Variants in FAM20A observed in about 807,000 individuals in gnomAD.
The protein encoded by FAM20A is FAM20A golgi associated secretory pathway pseudokinase.
In FAM20A, 42 loss-of-function variants were observed where a neutral mutation model predicts 52.0. That is an observed-to-expected ratio of 0.81 (90% CI 0.63 to 1.04). The LOEUF (loss-of-function observed/expected upper bound fraction) is 1.04. Ranked by LOEUF, FAM20A falls within the 50% of genes least tolerant of loss-of-function variation. The pLI is 0.00. For missense variants in FAM20A, 742 were observed against 712.7 expected, an observed-to-expected ratio of 1.04 and a Z score of -0.47; for synonymous variants, 304 against 298.9, an observed-to-expected ratio of 1.02 and a Z score of -0.18.
At chr17:68,586,005 C>T (rs2088156657) in intron 1 of FAM20A, among the ~76,000 whole-genome samples, 1 of 152,126 alleles carries the variant, frequency 6.6e-6, no homozygotes, top group South Asian at 2.1e-4. Flanking sequence ...AGTGCCCTTC[C>T]TGGGTCACTG....
chr17:68,561,495 A>G (rs2087210557), intron 1 of FAM20A, among the ~76,000 whole-genome samples: 1 of 151,530 alleles, frequency 6.6e-6, no homozygotes, highest in African/African-American at 2.4e-5. Context: ...ATTCTGTTTC[A>G]TGCTCTGTCT....
In FAM20A at chr17:68,537,437, G is replaced by A; in HGVS notation, c.*40C>T. On this transcript the variant is annotated 3_prime_UTR_variant, in exon 11 of 11. Coordinates refer to ENST00000592554, the MANE Select transcript of FAM20A (RefSeq NM_017565.4). The surrounding 1 kb of genome is among the most constrained non-coding windows in gnomAD (Gnocchi z 4.2). ...GGTCGGCACTCGAGTCGACTGCTCTGGCTCCAGGCGTATTTTCTGAAACTG... is the reference window on the plus strand; with the variant it reads ...GGTCGGCACTCGAGTCGACTGCTCTAGCTCCAGGCGTATTTTCTGAAACTG... The A allele has an allele frequency of 6.2e-7, 1 of 1,613,422 alleles. No individual in the cohort carries two copies.
At chr17:68,589,846 A>C (rs1179491472) in intron 1 of FAM20A, among the ~76,000 whole-genome samples, 2 of 152,230 alleles carry the variant, frequency 1.3e-5, no homozygotes, top group Non-Finnish European at 2.9e-5. Context: ...GCAAACATTC[A>C]AAATTGGATG....
At chr17:68,569,842 T>G (rs1301587252) in intron 1 of FAM20A, among the ~76,000 whole-genome samples, 2 of 152,210 alleles carry the variant, frequency 1.3e-5, no homozygotes, top group African/African-American at 4.8e-5. Flanking sequence ...TTGTCTCATT[T>G]GTCTACCAGC....
chr17:68,541,190 G>A (rs1203463978), intron 7 of FAM20A: 1 of 543,488 alleles, frequency 1.8e-6, no homozygotes, highest in Non-Finnish European at 3.2e-6. Context: ...CCCATGGTTG[G>A]GATACTGTGT....
chr17:68,543,762 A>G, intron 4 of FAM20A, 41 bp from the exon 5 acceptor site: 1 of 1,549,998 alleles, frequency 6.5e-7, no homozygotes, highest in Non-Finnish European at 8.9e-7. Flanking sequence ...CTCAGACTTC[A>G]GCTGGGAGCC....
intron 1 of FAM20A, among the ~76,000 whole-genome samples, chr17:68,580,466 C>G (rs753280139): frequency 2.0e-5 from 3 of 152,212 alleles, no homozygotes; most frequent in Non-Finnish European, 4.4e-5. Flanking sequence ...TGCAATGCAC[C>G]TCTTGTTTCC....
intron 4 of FAM20A, among the ~76,000 whole-genome samples, chr17:68,545,520 C>G (rs2086507434): frequency 6.6e-6 from 1 of 152,188 alleles, no homozygotes; most frequent in Non-Finnish European, 1.5e-5. Context: ...CTAAAAAATG[C>G]TAACACTCTT....
At chr17:68,584,347 CAA>C (rs11471248) in intron 1 of FAM20A, among the ~76,000 whole-genome samples, 73,656 of 124,610 alleles carry the variant, frequency 0.59, 18,207 homozygotes, top group African/African-American at 0.6. Flanking sequence ...CAAAACAAAA[CAA>C]AAAAAAAACC....
At position 68,537,659 on chromosome 17, in the gene FAM20A, G is replaced by C; in HGVS notation, c.1444C>G (p.Leu482Val). Residue 482 changes from leucine (L) to valine (V), a missense_variant, in exon 11 of 11, where the codon CTG (leucine) becomes GTG (valine). Transcript: ENST00000592554. This position sits in a 1 kb window ranked among gnomAD's most constrained non-coding sequence, Gnocchi z 4.2. ...AGGACAGGGCTGAGCTGGTCTTCCA[G>C]CAGTGATTCTCGCATCACATCGCTG... ...RLSDVMRESLLEDQLSPVLTE... is the reference protein window; with the variant it reads ...RLSDVMRESLVEDQLSPVLTE... 6.2e-7 allele frequency: 1 copy of C among 1,613,842 alleles called. No homozygotes were observed. Among genetic ancestry groups the C allele is most frequent in the East Asian group, 2.2e-5 (1 of 44,884 alleles).
intron 9 of FAM20A, 124 bp downstream of exon 9, chr17:68,539,761 A>AG: frequency 6.9e-6 from 6 of 874,508 alleles, no homozygotes; most frequent in Non-Finnish European, 9.4e-6. Context: ...CCGGGCTCGA[A>AG]GGAGACAAGG....
intron 4 of FAM20A, among the ~76,000 whole-genome samples, chr17:68,549,328 C>G (rs556308357): frequency 5.9e-5 from 9 of 152,090 alleles, no homozygotes; most frequent in Admixed American, 4.6e-4. Context: ...AACCCTGTCT[C>G]TACTAAATAT....
At chr17:68,553,785 T>C (rs947093760) in intron 3 of FAM20A, among the ~76,000 whole-genome samples, 1 of 143,144 alleles carries the variant, frequency 7.0e-6, no homozygotes, top group Non-Finnish European at 1.5e-5. Context: ...CATATATACA[T>C]GTATACACAT....
In FAM20A at chr17:68,600,952, T is replaced by C; in HGVS notation, c.-286A>G. ...TCCCGGGGTGCCCGCTTCTTGCGCC[T>C]TTTCTCCCGTGCGCCCGCCCGCCCG... is the stretch of plus-strand genomic sequence containing the variant. On this transcript the variant is annotated 5_prime_UTR_variant, in exon 1 of 11. Coordinates refer to ENST00000592554, the MANE Select transcript of FAM20A (RefSeq NM_017565.4). This position sits in a 1 kb window ranked among gnomAD's most constrained non-coding sequence, Gnocchi z 6.2. 3.0e-6 allele frequency: 1 copy of C among 332,768 alleles called. No homozygotes were observed. 20.6% of individuals were successfully genotyped at this position (332,768 alleles called of 1,614,324 possible). A position where few individuals can be genotyped will look rare whatever the true frequency, so the allele number is the denominator to read the frequency against.
In FAM20A at chr17:68,537,552, T is replaced by C; in HGVS notation, c.1551A>G (p.Gly517=). 1 of 1,613,672 alleles carries C rather than the reference T, an allele frequency of 6.2e-7. No individual in the cohort carries two copies. Among genetic ancestry groups the C allele is most frequent in the South Asian group, 1.1e-5 (1 of 90,996 alleles). ...RTVEGCIVAH[G]QQSVIVDGPV... is the part of the protein sequence containing the mutation. Reference sequence around the variant, plus strand: ...GGCCGTCGACTATGACACTCTGCTGTCCATGGGCCACTATGCACCCCTCCA... The same window carrying C: ...GGCCGTCGACTATGACACTCTGCTGCCCATGGGCCACTATGCACCCCTCCA... The change falls in exon 11 of 11, where the codon GGA becomes GGG. Residue 517 remains glycine, a synonymous_variant. Coordinates refer to ENST00000592554, the MANE Select transcript of FAM20A (RefSeq NM_017565.4). This position sits in a 1 kb window ranked among gnomAD's most constrained non-coding sequence, Gnocchi z 4.2.
At chr17:68,598,624 G>C (rs1361809769) in intron 1 of FAM20A, among the ~76,000 whole-genome samples, 1 of 152,042 alleles carries the variant, frequency 6.6e-6, no homozygotes, top group East Asian at 1.9e-4. Flanking sequence ...AGTTTTTTTT[G>C]TCTTTGTTGA....
chr17:68,545,388 A>AT (rs937460218), intron 4 of FAM20A, among the ~76,000 whole-genome samples: 8 of 152,222 alleles, frequency 5.3e-5, no homozygotes, highest in African/African-American at 1.7e-4. Context: ...ATTCATGCAC[A>AT]TTTTTTGGTT....
Position 68,571,999 on chromosome 17 carries a change from T to C in FAM20A, c.405-16256A>G, listed in dbSNP as rs1273259921. On this transcript the variant is annotated intron_variant, in intron 1 of 10. Coordinates refer to ENST00000592554, the MANE Select transcript of FAM20A (RefSeq NM_017565.4). ...GTGTATATACATACATATATATATA[T>C]ATATATATATATATATATATATATA... Among the ~76,000 whole-genome samples, 252 of 34,362 alleles carry C rather than the reference T, an allele frequency of 7.3e-3. 4 individuals are homozygous for C. Among genetic ancestry groups the C allele is most frequent in the African/African-American group, 0.033 (220 of 6,652 alleles). 22.5% of individuals were successfully genotyped at this position (34,362 alleles called of 152,430 possible).
Position 68,539,348 on chromosome 17 carries a change from GGA to G in FAM20A, c.1348_1349del (p.Ser450ProfsTer20). The part of the protein sequence containing the change: ...HDEISILSPL[S>X]QCCMIKKKTL... ...GCAGGAAAACTTACATGCAGCACTG[GGA>G]GAGAGGCGAGAGGATGGAGATTTCA... On this transcript the variant is annotated frameshift_variant, in exon 10 of 11. Transcript: ENST00000592554. LOFTEE classifies it low-confidence loss of function (END_TRUNC). 1.9e-6 allele frequency: 3 copies of G among 1,614,170 alleles called. No homozygotes were observed. The highest frequency in any genetic ancestry group is 2.5e-6 in the Non-Finnish European group (3 of 1,180,024).
Sources: allele counts gnomAD v4.1 joint callset (sites outside exome capture counted in the v4.1 genomes callset), GRCh38; gene constraint gnomAD v4.1.1; non-coding constraint Gnocchi (gnomAD v3.1); transcripts MANE v1.5; gene names NCBI Gene and HGNC (gene_info 2026-07-23, HGNC 2026-07-21).